The following SLC35F4 variants were observed in gnomAD, a reference collection of about 807,000 sequenced individuals.
The protein encoded by SLC35F4 is solute carrier family 35 member F4, also known as chromosome 14 open reading frame 36.
SLC35F4 carries 24 observed loss-of-function variants against 44.2 expected under a neutral mutation model. The ratio of observed to expected loss-of-function variants is 0.54; its 90% CI spans 0.39 to 0.76. The LOEUF (loss-of-function observed/expected upper bound fraction) is 0.76. Among genes scored for constraint, SLC35F4 ranks in the 30% least tolerant of loss-of-function variants. SLC35F4 has a pLI of 0.00. For missense variants in SLC35F4, 562 were observed against 586.1 expected, an observed-to-expected ratio of 0.96 and a Z score of 0.42; for synonymous variants, 238 against 223.6, an observed-to-expected ratio of 1.06 and a Z score of -0.57.
intron 5 of SLC35F4, among the ~76,000 whole-genome samples, chr14:57,571,315 G>C (rs1489262170): frequency 6.6e-6 from 1 of 152,056 alleles, no homozygotes; most frequent in Admixed American, 6.6e-5. Context: ...AAAAATGGTG[G>C]GTACCTACAG....
chr14:57,747,652 A>G (rs891601210), intron 1 of SLC35F4, among the ~76,000 whole-genome samples: 5 of 152,168 alleles, frequency 3.3e-5, no homozygotes, highest in African/African-American at 1.2e-4. Context: ...TCAACCATCA[A>G]TACTTCAGAA....
At chr14:57,869,861 C>G (rs759328565), upstream of SLC35F4, among the ~76,000 whole-genome samples, 10 of 152,272 alleles carry the variant, frequency 6.6e-5, no homozygotes, top group South Asian at 2.1e-4. Flanking sequence ...AAGTCATCAG[C>G]CACCCCATTT....
At chr14:57,722,857 A>G (rs1305067610) in intron 1 of SLC35F4, among the ~76,000 whole-genome samples, 7 of 152,142 alleles carry the variant, frequency 4.6e-5, no homozygotes, top group Admixed American at 4.6e-4. Context: ...CCCTCAATCA[A>G]TTTCCAGACT....
chr14:57,665,012 TA>T, intron 1 of SLC35F4, among the ~76,000 whole-genome samples: 1 of 152,126 alleles, frequency 6.6e-6, no homozygotes, highest in African/African-American at 2.4e-5. Flanking sequence ...TGGGCTGTTT[TA>T]ACAACATGCT....
intron 1 of SLC35F4, among the ~76,000 whole-genome samples, chr14:57,904,075 C>G (rs1303403805): frequency 6.6e-6 from 1 of 152,190 alleles, no homozygotes; most frequent in East Asian, 1.9e-4. Flanking sequence ...CAAAGAATAA[C>G]TATAAATATT....
At chr14:57,659,406 A>G (rs963881640) in intron 1 of SLC35F4, among the ~76,000 whole-genome samples, 18 of 152,202 alleles carry the variant, frequency 1.2e-4, no homozygotes, top group African/African-American at 4.3e-4. Flanking sequence ...AGTTCCTACA[A>G]TGAACTAGTT....
intron 1 of SLC35F4, among the ~76,000 whole-genome samples, chr14:57,740,502 G>C (rs1019860827): frequency 6.6e-6 from 1 of 152,182 alleles, no homozygotes; most frequent in Non-Finnish European, 1.5e-5. Context: ...GGAAGGTTAT[G>C]GGGGAGGAAG....
At chr14:57,945,162 C>G (rs1348047760) in intron 1 of SLC35F4, among the ~76,000 whole-genome samples, 1 of 152,092 alleles carries the variant, frequency 6.6e-6, no homozygotes, top group Non-Finnish European at 1.5e-5. Flanking sequence ...TTTTAAAGAG[C>G]CTCTCTGTTT....
chr14:57,578,325 G>GTTTTTT lies in SLC35F4; in HGVS notation c.807+2883_807+2888dup, dbSNP rs199785589. Among the ~76,000 whole-genome samples the GTTTTTT allele has an allele frequency of 3.2e-3, 140 of 43,166 alleles. 47 individuals carry two copies. The highest frequency in any genetic ancestry group is 0.016 in the Middle Eastern group (1 of 64). The allele number at this position is 43,166 out of a possible 152,430, so 28.3% of individuals were successfully genotyped here. A position where few individuals can be genotyped will look rare whatever the true frequency, so the allele number is the denominator to read the frequency against. On this transcript the variant is annotated intron_variant, in intron 4 of 7. Coordinates refer to ENST00000556826, the MANE Select transcript of SLC35F4 (RefSeq NM_001306087.2). ...GATGACTGAAAGCATCCCTTTAACT[G>GTTTTTT]TTTTTTTTTTTTTTTTTTTTTTTTT...
chr14:57,719,655 T>C (rs982813807), intron 1 of SLC35F4, among the ~76,000 whole-genome samples: 2 of 152,132 alleles, frequency 1.3e-5, no homozygotes, highest in African/African-American at 4.8e-5. Context: ...TTTTGTATGT[T>C]AACTTTGTAT....
chr14:57,789,215 G>A (rs1219200058), intron 1 of SLC35F4, among the ~76,000 whole-genome samples: 1 of 152,100 alleles, frequency 6.6e-6, no homozygotes, highest in African/African-American at 2.4e-5. Context: ...CCAGGAGCTG[G>A]TTTTTTGAAA....
rs74692582 is a variant in SLC35F4, at chr14:57,897,235, G to A, written n.282+84678C>T. ...TTAGCACCATTTCTTGCAATAGTGT[G>A]TCAAGAGACTCCCTGATAGGGTTAA... is the stretch of plus-strand genomic sequence containing the variant. On this transcript the variant is annotated intron_variant and non_coding_transcript_variant, in intron 1 of 1. Coordinates refer to the SLC35F4 transcript ENST00000556568. 4.9e-3 allele frequency among the ~76,000 whole-genome samples: 745 copies of A among 152,116 alleles called. 1 individual carries two copies. Among genetic ancestry groups the A allele is most frequent in the African/African-American group, 0.017 (686 of 41,492 alleles).
intron 1 of SLC35F4, among the ~76,000 whole-genome samples, chr14:57,709,409 C>A (rs1275498796): frequency 6.6e-6 from 1 of 152,032 alleles, no homozygotes; most frequent in Non-Finnish European, 1.5e-5. Context: ...CTGGTTTTTC[C>A]TAGGTTATGA....
intron 1 of SLC35F4, among the ~76,000 whole-genome samples, chr14:57,919,649 G>C (rs1430318982): frequency 6.6e-6 from 1 of 152,148 alleles, no homozygotes; most frequent in African/African-American, 2.4e-5. Context: ...TATATGATCT[G>C]GGGGTGGGGG....
intron 1 of SLC35F4, among the ~76,000 whole-genome samples, chr14:57,909,461 T>C (rs575569025): frequency 4.0e-5 from 6 of 151,880 alleles, no homozygotes; most frequent in African/African-American, 1.4e-4. Context: ...CTCCTCCCCT[T>C]CAACCCCTGG....
At chr14:57,627,569 T>A (rs902394785) in intron 1 of SLC35F4, among the ~76,000 whole-genome samples, 2 of 152,152 alleles carry the variant, frequency 1.3e-5, no homozygotes, top group African/African-American at 4.8e-5. Context: ...GCTTTTGGGC[T>A]GACTGGTTTT....
intron 1 of SLC35F4, among the ~76,000 whole-genome samples, chr14:57,671,855 C>T (rs2074533306): frequency 6.6e-6 from 1 of 152,076 alleles, no homozygotes; most frequent in South Asian, 2.1e-4. Flanking sequence ...TTATAGTTGA[C>T]ACTCTATTAA....
intron 1 of SLC35F4, among the ~76,000 whole-genome samples, chr14:57,609,281 C>A (rs576203823): frequency 6.6e-6 from 1 of 152,070 alleles, no homozygotes; most frequent in Non-Finnish European, 1.5e-5. Context: ...AAAAATCAGG[C>A]ATGTTTTTGT....
chr14:57,688,748 A>G (rs935987481), intron 1 of SLC35F4, among the ~76,000 whole-genome samples: 1 of 152,126 alleles, frequency 6.6e-6, no homozygotes, highest in Admixed American at 6.6e-5. Flanking sequence ...TATTCTTCCT[A>G]CTGGCTCATA....
Sources: gnomAD v4.1 joint callset for allele counts (sites outside exome capture counted in the v4.1 genomes callset) on GRCh38, gnomAD v4.1.1 for gene constraint, MANE v1.5 for transcripts, NCBI Gene and HGNC (gene_info 2026-07-23, HGNC 2026-07-21) for gene names.